Variants in MYO1D observed in about 807,000 individuals in gnomAD.
The protein encoded by MYO1D is unconventional myosin-Id.
In MYO1D, 83 loss-of-function variants were observed where a neutral mutation model predicts 122.0. The observed-to-expected ratio is 0.68, with a 90% CI of 0.57 to 0.82. The LOEUF (loss-of-function observed/expected upper bound fraction) is 0.82, where lower values mean the gene tolerates loss of function less well. Among genes scored for constraint, MYO1D ranks in the 40% least tolerant of loss-of-function variants. MYO1D has a pLI of 0.00. For synonymous variants in MYO1D, 464 were observed against 446.9 expected (o/e 1.04, Z -0.48); for missense variants, 1,157 against 1,269.5 (o/e 0.91, Z 1.35).
chr17:32,607,915 T>C lies in MYO1D; in HGVS notation c.2710-2674A>G, dbSNP rs535862605. Among the ~76,000 whole-genome samples, 5 of 152,284 alleles carry C rather than the reference T, an allele frequency of 3.3e-5. No individual in the cohort carries two copies. In the East Asian group the frequency reaches 9.6e-4, roughly 29 times the overall value. On this transcript the variant is annotated intron_variant, in intron 20 of 21. Transcript: ENST00000318217. Reference sequence around the variant, plus strand: ...AGGATAATGTGGGCATCTGGATAACTTGGAACATTTGGACACCCCCATGCA... The same window carrying C: ...AGGATAATGTGGGCATCTGGATAACCTGGAACATTTGGACACCCCCATGCA...
chr17:32,798,109 T>C (rs1000309670), intron 1 of MYO1D, among the ~76,000 whole-genome samples: 1 of 152,216 alleles, frequency 6.6e-6, no homozygotes. Flanking sequence ...ACAGAATGGA[T>C]TGCATGAGTA....
chr17:32,646,153 G>A (rs182893221), intron 19 of MYO1D, among the ~76,000 whole-genome samples: 78 of 152,232 alleles, frequency 5.1e-4, no homozygotes, highest in African/African-American at 1.8e-3. Context: ...TAAAGGCTGT[G>A]AGAATTCTGC....
chr17:32,605,341 T>G (rs1423254953), intron 20 of MYO1D, 100 bp from the exon 21 acceptor site: 1 of 1,117,682 alleles, frequency 8.9e-7, no homozygotes, highest in East Asian at 2.6e-5. Context: ...GTGCCTGTAG[T>G]CCCAGCTACT....
intron 11 of MYO1D, among the ~76,000 whole-genome samples, chr17:32,751,336 C>A (rs1331114493): frequency 6.6e-6 from 1 of 152,066 alleles, no homozygotes; most frequent in African/African-American, 2.4e-5. Context: ...GTGTAATAAA[C>A]AGTTCACAGT....
At chr17:32,601,217 T>G (rs779795589) in intron 21 of MYO1D, among the ~76,000 whole-genome samples, 1 of 152,174 alleles carries the variant, frequency 6.6e-6, no homozygotes, top group Non-Finnish European at 1.5e-5. Flanking sequence ...GTCGCAGGAA[T>G]GAGCCATGAT....
At chr17:32,552,520 C>T (rs951155361) in intron 21 of MYO1D, among the ~76,000 whole-genome samples, 2 of 148,968 alleles carry the variant, frequency 1.3e-5, no homozygotes, top group East Asian at 3.8e-4. Flanking sequence ...CTGTTCACCT[C>T]CCCTTTTTTG....
intron 21 of MYO1D, among the ~76,000 whole-genome samples, chr17:32,515,731 G>A (rs1244179595): frequency 6.6e-6 from 1 of 152,200 alleles, no homozygotes; most frequent in Non-Finnish European, 1.5e-5. Context: ...AAGAATATTT[G>A]ATTAAGTAGC....
intron 16 of MYO1D, among the ~76,000 whole-genome samples, chr17:32,675,483 T>C (rs74494601): frequency 0.032 from 4,925 of 152,248 alleles, 154 homozygotes; most frequent in East Asian, 0.19. Flanking sequence ...TATTTGAAAA[T>C]TGAGGTTTCT....
rs543515487 is a variant in MYO1D, at chr17:32,580,918, C to T, written c.2864+24169G>A. Among the ~76,000 whole-genome samples, 10 of 152,126 alleles carry T rather than the reference C, an allele frequency of 6.6e-5. No homozygotes were observed. In the South Asian group the frequency reaches 2.1e-3, roughly 32 times the overall value. On this transcript the variant is annotated intron_variant, in intron 21 of 21. Transcript: ENST00000318217. ...GGACATTGGTCTGTAGTTTTCTTTT[C>T]CTGTATTATCTTTGTCTGGTTTGGT...
intron 6 of MYO1D, 92 bp downstream of exon 6, chr17:32,771,033 A>C: frequency 1.1e-6 from 1 of 890,608 alleles, no homozygotes; most frequent in East Asian, 2.6e-5. Flanking sequence ...ATTTGCCTAA[A>C]GATAGCAGGC....
At chr17:32,818,919 T>A (rs1017627321) in intron 1 of MYO1D, among the ~76,000 whole-genome samples, 1 of 152,190 alleles carries the variant, frequency 6.6e-6, no homozygotes, top group African/African-American at 2.4e-5. Flanking sequence ...CTTTAAAAAA[T>A]TAATAGAAAT....
chr17:32,647,636 GACATGGT>G (rs2088313738), intron 19 of MYO1D, among the ~76,000 whole-genome samples: 1 of 151,240 alleles, frequency 6.6e-6, no homozygotes, highest in African/African-American at 2.4e-5. Context: ...AGGACTCACT[GACATGGT>G]ACATTCCTTT....
chr17:32,705,143 ATT>A (rs3079903), intron 16 of MYO1D, among the ~76,000 whole-genome samples: 23 of 150,684 alleles, frequency 1.5e-4, no homozygotes, highest in Non-Finnish European at 2.2e-4. Flanking sequence ...ACTCATACAG[ATT>A]TTTTTTTTTC....
At chr17:32,555,993 A>G (rs1259142104) in intron 21 of MYO1D, among the ~76,000 whole-genome samples, 1 of 152,134 alleles carries the variant, frequency 6.6e-6, no homozygotes, top group East Asian at 1.9e-4. Flanking sequence ...AGCCCTGCTT[A>G]TTCCTCCTTA....
At chr17:32,573,426 T>G (rs1282320188) in intron 21 of MYO1D, among the ~76,000 whole-genome samples, 1 of 152,232 alleles carries the variant, frequency 6.6e-6, no homozygotes, top group Non-Finnish European at 1.5e-5. Context: ...TCATGTCTTC[T>G]TCTTTCCTGT....
rs537409963 is a variant in MYO1D, at chr17:32,816,507, T to C, written c.96-35723A>G. Among the ~76,000 whole-genome samples, 3 of 152,368 alleles carry C rather than the reference T, an allele frequency of 2.0e-5. No homozygotes were observed. The South Asian group carries it at 6.2e-4, about 32-fold the overall frequency. The stretch of plus-strand genomic sequence containing the variant: ...ATTATTTTGGTTTCTCTCCACCTGA[T>C]TGCTGTAGTACTATTAAAACTGAAT... On this transcript the variant is annotated intron_variant, in intron 1 of 21. Coordinates refer to ENST00000318217, the MANE Select transcript of MYO1D (RefSeq NM_015194.3).
intron 21 of MYO1D, among the ~76,000 whole-genome samples, chr17:32,520,738 A>C (rs1007640353): frequency 3.3e-5 from 5 of 152,238 alleles, no homozygotes; most frequent in Admixed American, 6.5e-5. Flanking sequence ...CCTAAGAGTC[A>C]TATGTGTTCT....
intron 1 of MYO1D, among the ~76,000 whole-genome samples, chr17:32,793,308 C>CT (rs59174021): frequency 0.089 from 12,224 of 137,090 alleles, 889 homozygotes; most frequent in East Asian, 0.22. Flanking sequence ...AAAAACTAGG[C>CT]TTTTTTTTTT....
rs1040660487 is a variant in MYO1D, at chr17:32,773,370, A to T, written c.565-528T>A. 7.2e-5 allele frequency among the ~76,000 whole-genome samples: 11 copies of T among 152,296 alleles called. No individual in the cohort carries two copies. In the South Asian group the frequency reaches 2.3e-3, roughly 32 times the overall value. On this transcript the variant is annotated intron_variant, in intron 4 of 21. Coordinates refer to ENST00000318217, the MANE Select transcript of MYO1D (RefSeq NM_015194.3). Reference sequence around the variant, plus strand: ...GCACCGGTCACGGATTCGGGAAGACAGTCTTCCCTTGGTGTTTAATCACTG... The same window carrying T: ...GCACCGGTCACGGATTCGGGAAGACTGTCTTCCCTTGGTGTTTAATCACTG...
Sources: allele counts gnomAD v4.1 joint callset (sites outside exome capture counted in the v4.1 genomes callset), GRCh38; gene constraint gnomAD v4.1.1; transcripts MANE v1.5; gene names NCBI Gene and HGNC (gene_info 2026-07-23, HGNC 2026-07-21).